The following KHNYN variants were observed in gnomAD, a reference collection of about 807,000 sequenced individuals.
The protein encoded by KHNYN is protein KHNYN.
Under a neutral mutation model 62.7 loss-of-function variants are expected in KHNYN, and 42 were observed. The observed-to-expected ratio is 0.67, with a 90% CI of 0.52 to 0.87. The LOEUF is 0.87. KHNYN is among the 40% of genes least tolerant of loss of function. KHNYN has a pLI of 0.00. For missense variants in KHNYN, 829 were observed against 874.1 expected, an observed-to-expected ratio of 0.95 and a Z score of 0.65; for synonymous variants, 347 against 345.6, an observed-to-expected ratio of 1.00 and a Z score of -0.04.
rs753033221 is a variant in KHNYN, at chr14:24,441,046, A to G, written c.*3761A>G. 3.7e-6 allele frequency: 4 copies of G among 1,094,404 alleles called. No individual in the cohort carries two copies. Among genetic ancestry groups the G allele is most frequent in the Non-Finnish European group, 5.5e-6 (4 of 728,496 alleles). The allele number at this position is 1,094,404 out of a possible 1,614,324, so 67.8% of individuals were successfully genotyped here. ...TTAGGATCTCCCCATTTGGAGACAG[A>G]GCCATTTGGATATTTTCCCCTTGAA... On this transcript the variant is annotated 3_prime_UTR_variant, in exon 8 of 8. Coordinates refer to ENST00000553935, the MANE Select transcript of KHNYN (RefSeq NM_015299.3).
rs1211340965 is a variant in KHNYN, at chr14:24,436,437, C to T, written c.1735C>T (p.Pro579Ser). The T allele has an allele frequency of 6.2e-7, 1 of 1,613,858 alleles. No homozygotes were observed. Among genetic ancestry groups the T allele is most frequent in the Non-Finnish European group, 8.5e-7 (1 of 1,179,916 alleles). The change falls in exon 7 of 8, where the codon CCA becomes TCA. Residue 579 changes from proline to serine, a missense_variant. By Grantham distance (74) the Pro-to-Ser change is moderately conservative. Transcript: ENST00000553935. The part of the protein sequence containing the change: ...VGNLFMVPDD[P>S]LGRNGPTLDE... Reference sequence around the variant, plus strand: ...AAACCTCTTCATGGTACCTGATGACCCACTGGGGCGAAACGGCCCCACCCT... The same window carrying T: ...AAACCTCTTCATGGTACCTGATGACTCACTGGGGCGAAACGGCCCCACCCT...
upstream of KHNYN, chr14:24,429,357 C>CTG (rs1566494461): frequency 1.6e-6 from 1 of 632,640 alleles, no homozygotes; most frequent in South Asian, 1.5e-5. Flanking sequence ...CAGGGCAGCC[C>CTG]TGCTGGATGG....
rs917311999 is a variant in KHNYN at position 24,434,450 on chromosome 14, G to A, written c.1577+1418G>A. 57 of 832,216 alleles carry A rather than the reference G, an allele frequency of 6.8e-5. No individual in the cohort carries two copies. In the African/African-American group the frequency reaches 9.2e-4, roughly 13 times the overall value. The allele number at this position is 832,216 out of a possible 1,614,324, so 51.6% of individuals were successfully genotyped here. The stretch of plus-strand genomic sequence containing the variant: ...AGACGGAGCCTTGCTCTGTCGCCAC[G>A]CTGGAGTGCAGTGGCACGATCTCGG... On this transcript the variant is annotated intron_variant, in intron 5 of 7. Coordinates refer to ENST00000553935, the MANE Select transcript of KHNYN (RefSeq NM_015299.3).
chr14:24,429,161 C>T, upstream of KHNYN: 1 of 1,196,728 alleles, frequency 8.4e-7, no homozygotes, highest in Non-Finnish European at 1.2e-6. Context: ...TCTGCCCTCT[C>T]TAGGCTCGCT....
chr14:24,441,679 C>A lies in KHNYN; in HGVS notation c.*4394C>A. The stretch of plus-strand genomic sequence containing the variant: ...TGGTGATTTGGGGGGCGTACCTACA[C>A]CTGTGACTAAGACCCAGGCCTTGGG... On this transcript the variant is annotated 3_prime_UTR_variant, in exon 8 of 8. Transcript: ENST00000553935. 2 of 1,583,682 alleles carry A rather than the reference C, an allele frequency of 1.3e-6. No homozygotes were observed. The highest frequency in any genetic ancestry group is 1.7e-6 in the Non-Finnish European group (2 of 1,171,428).
upstream of KHNYN, chr14:24,428,339 CA>C: frequency 6.2e-7 from 1 of 1,613,956 alleles, no homozygotes; most frequent in Non-Finnish European, 8.5e-7. Flanking sequence ...AAGCTGTAGA[CA>C]CCCCGGACAG....
chr14:24,428,822 C>A, upstream of KHNYN: 2 of 1,612,552 alleles, frequency 1.2e-6, no homozygotes, highest in Non-Finnish European at 1.7e-6. Context: ...GTGGTGGCTT[C>A]GGACCGCAGC....
Position 24,436,196 on chromosome 14 carries a change from G to T in KHNYN, c.1685+17G>T. The stretch of plus-strand genomic sequence containing the variant: ...CAGAGAACGGTGAGGGAGCCCTCCC[G>T]CTGAGAACTGGGCACAGATGCAGAT... On this transcript the variant is annotated intron_variant, in intron 6 of 7. Coordinates refer to ENST00000553935, the MANE Select transcript of KHNYN (RefSeq NM_015299.3). 6.3e-7 allele frequency: 1 copy of T among 1,589,332 alleles called. No homozygotes were observed. Among genetic ancestry groups the T allele is most frequent in the Non-Finnish European group, 8.6e-7 (1 of 1,157,600 alleles).
chr14:24,428,253 T>G (rs754332648), upstream of KHNYN: 14 of 1,611,006 alleles, frequency 8.7e-6, no homozygotes, highest in South Asian at 1.5e-4. Context: ...CCCACCCTCC[T>G]GAGCCGGGGA....
rs757311527 is a variant in KHNYN at position 24,432,104 on chromosome 14, G to A, written c.843G>A (p.Trp281Ter). ...AGGAGTTGCCTGGGGAAGAGGCGTG[G>A]GAGAGAGAAGTGGCCCTCAGGCCAC... ...GWKELPGEEA[W>*]EREVALRPQS... Residue 281 changes from tryptophan to a stop codon, truncating the protein, a stop_gained, in exon 3 of 8, where the codon TGG (tryptophan) becomes TGA (stop). Coordinates refer to ENST00000553935, the MANE Select transcript of KHNYN (RefSeq NM_015299.3). LOFTEE classifies it high-confidence loss of function. The surrounding 1 kb of genome is among the most constrained non-coding windows in gnomAD (Gnocchi z 5.6). The A allele has an allele frequency of 2.0e-5, 31 of 1,555,364 alleles. No homozygotes were observed. The highest frequency in any genetic ancestry group is 2.6e-5 in the Non-Finnish European group (30 of 1,149,708).
chr14:24,441,017 G>T lies in KHNYN; in HGVS notation c.*3732G>T. On this transcript the variant is annotated 3_prime_UTR_variant, in exon 8 of 8. Coordinates refer to ENST00000553935, the MANE Select transcript of KHNYN (RefSeq NM_015299.3). ...GCTCCCCTTGGCCTCACCTTCTCTG[G>T]CCCTTAGGATCTCCCCATTTGGAGA... The T allele has an allele frequency of 7.3e-7, 1 of 1,369,428 alleles. No homozygotes were observed. The highest frequency in any genetic ancestry group is 1.4e-5 in the African/African-American group (1 of 70,216). 84.8% of individuals were successfully genotyped at this position (1,369,428 alleles called of 1,614,324 possible).
At chr14:24,429,507 C>T, upstream of KHNYN, 1 of 459,236 alleles carries the variant, frequency 2.2e-6, no homozygotes, top group Non-Finnish European at 4.2e-6. Flanking sequence ...CTTCAAAATC[C>T]CCCACAAATC....
upstream of KHNYN, chr14:24,426,997 G>A (rs1010145549): frequency 8.5e-5 from 13 of 152,218 alleles, no homozygotes; most frequent in Admixed American, 7.9e-4. Context: ...AGGATGCATG[G>A]TTATCGATGT....
At chr14:24,430,958 C>A in intron 2 of KHNYN, 27 bp downstream of exon 2, 1 of 1,592,864 alleles carries the variant, frequency 6.3e-7, no homozygotes, top group Non-Finnish European at 8.6e-7. Context: ...CCCCATCCCT[C>A]CAGGCACCAA....
In KHNYN at chr14:24,432,471, G is replaced by T. The variant is rs760289548; in HGVS notation, c.1210G>T (p.Ala404Ser). The part of the protein sequence containing the change: ...RGRGPQWKRG[A>S]RGGNLVTGTQ... ...TCGGGGGCCTCAATGGAAACGAGGC[G>T]CCCGAGGGGGCAACTTGGTGACTGG... The change falls in exon 3 of 8, where the codon GCC (alanine) becomes TCC (serine). Residue 404 changes from alanine to serine, a missense_variant. By Grantham distance (99) the Ala-to-Ser change is moderately conservative. Around this residue, in one of 2 missense-constraint regions of KHNYN, gnomAD observed 559 missense variants for 527.0 expected, o/e 1.06. Coordinates refer to ENST00000553935, the MANE Select transcript of KHNYN (RefSeq NM_015299.3). This position sits in a 1 kb window ranked among gnomAD's most constrained non-coding sequence, Gnocchi z 5.6. 1 of 1,613,554 alleles carries T rather than the reference G, an allele frequency of 6.2e-7. No individual in the cohort carries two copies. Among genetic ancestry groups the T allele is most frequent in the South Asian group, 1.1e-5 (1 of 91,078 alleles).
chr14:24,429,577 G>A (rs2043066360), upstream of KHNYN: 1 of 603,788 alleles, frequency 1.7e-6, no homozygotes, highest in African/African-American at 2.0e-5. Flanking sequence ...TCCACCACGG[G>A]TACCCTCCGC....
intron 5 of KHNYN, among the ~76,000 whole-genome samples, chr14:24,433,777 G>A (rs576680091): frequency 2.6e-5 from 4 of 152,204 alleles, no homozygotes; most frequent in Non-Finnish European, 5.9e-5. Flanking sequence ...TGGAGACAGA[G>A]GGTCAGAGTG....
At chr14:24,423,745 T>A in the KHNYN span, among the ~76,000 whole-genome samples, 2 of 152,236 alleles carry the variant, frequency 1.3e-5, no homozygotes, top group African/African-American at 4.8e-5. Flanking sequence ...AGATCCACAT[T>A]GAATCCTTCA....
Position 24,431,612 on chromosome 14 carries a change from C to G in KHNYN, c.351C>G (p.Gly117=). 6.2e-7 allele frequency: 1 copy of G among 1,613,542 alleles called. No individual in the cohort carries two copies. Among genetic ancestry groups the G allele is most frequent in the Non-Finnish European group, 8.5e-7 (1 of 1,179,596 alleles). Reference sequence around the variant, plus strand: ...CCCATCTGGTGCCCAGGGCGCCAGGCTCACTGATGATCAGTGGCCTGACTG... The same window carrying G: ...CCCATCTGGTGCCCAGGGCGCCAGGGTCACTGATGATCAGTGGCCTGACTG... ...TSAHLVPRAP[G]SLMISGLTEA... Residue 117 remains glycine, a synonymous_variant, in exon 3 of 8, where the codon GGC becomes GGG. Transcript: ENST00000553935.
Sources: allele counts gnomAD v4.1 joint callset (sites outside exome capture counted in the v4.1 genomes callset), GRCh38; gene constraint gnomAD v4.1.1; regional missense constraint gnomAD v4.1.1; non-coding constraint Gnocchi (gnomAD v3.1); transcripts MANE v1.5; gene names NCBI Gene and HGNC (gene_info 2026-07-23, HGNC 2026-07-21).